Variants in GRIA1 observed in about 807,000 individuals in gnomAD.
GRIA1 encodes the protein glutamate ionotropic receptor AMPA type subunit 1.
GRIA1 carries 31 observed loss-of-function variants against 99.2 expected under a neutral mutation model. The ratio of observed to expected loss-of-function variants is 0.31; its 90% CI spans 0.23 to 0.42. The LOEUF is 0.42. Among genes scored for constraint, GRIA1 ranks in the 10% least tolerant of loss-of-function variants. The pLI is 1.00. For synonymous variants in GRIA1, 438 were observed against 432.4 expected, an observed-to-expected ratio of 1.01 and a Z score of -0.16; for missense variants, 782 against 1,157.5, an observed-to-expected ratio of 0.68 and a Z score of 4.71.
intron 14 of GRIA1, among the ~76,000 whole-genome samples, chr5:153,801,952 C>CT (rs769763925): frequency 2.5e-5 from 2 of 79,124 alleles, no homozygotes; most frequent in Non-Finnish European, 5.0e-5. Context: ...GAAATTGGGG[C>CT]GGGGGGGGGC....
Position 153,763,005 on chromosome 5 carries a change from G to T in GRIA1, c.1824-1429G>T, listed in dbSNP as rs182978858. ...TTGTTCCTGCAACTGCTCCTCATGC[G>T]ACATAGCTTTGCTCCGCTCTCCTGG... On this transcript the variant is annotated intron_variant, in intron 11 of 15. Transcript: ENST00000285900. 8.5e-5 allele frequency among the ~76,000 whole-genome samples: 13 copies of T among 152,208 alleles called. No homozygotes were observed. The East Asian group carries it at 1.4e-3, about 16-fold the overall frequency.
Position 153,801,334 on chromosome 5 carries a change from C to T in GRIA1, c.2386-1022C>T, listed in dbSNP as rs138255873. On this transcript the variant is annotated intron_variant, in intron 14 of 15. Coordinates refer to ENST00000285900, the MANE Select transcript of GRIA1 (RefSeq NM_000827.4). ...GAGCCCTGGCCACCTCCCACCATGA[C>T]CATCAGTTGTGTTTGATTGTTCTCA... is the stretch of plus-strand genomic sequence containing the variant. Among the ~76,000 whole-genome samples the T allele has an allele frequency of 7.8e-4, 113 of 144,154 alleles. 7 individuals are homozygous for T. The highest frequency in any genetic ancestry group is 2.9e-3 in the African/African-American group (107 of 36,324). 94.6% of individuals were successfully genotyped at this position (144,154 alleles called of 152,430 possible).
rs191670944 is a variant in GRIA1, at chr5:153,692,589, T to C, written c.1135-5455T>C. Among the ~76,000 whole-genome samples, 91 of 152,338 alleles carry C rather than the reference T, an allele frequency of 6.0e-4. 1 individual carries two copies. The East Asian group carries it at 0.015, about 25-fold the overall frequency. ...AGATAAGTAGTGGCAACACAGACTA[T>C]ATGATCCACAAAGCCAAAGATATCT... On this transcript the variant is annotated intron_variant, in intron 8 of 15. Transcript: ENST00000285900.
At chr5:153,625,062 G>A (rs971371448) in intron 2 of GRIA1, among the ~76,000 whole-genome samples, 14 of 152,162 alleles carry the variant, frequency 9.2e-5, no homozygotes, top group African/African-American at 2.7e-4. Flanking sequence ...TTCATGTGCC[G>A]CAGCCCTGGT....
intron 8 of GRIA1, among the ~76,000 whole-genome samples, chr5:153,690,621 A>G (rs1016618115): frequency 6.6e-6 from 1 of 152,192 alleles, no homozygotes; most frequent in African/African-American, 2.4e-5. Context: ...GGCCACAGGG[A>G]TTTTATATCA....
chr5:153,569,805 C>T lies in GRIA1; in HGVS notation c.220+75740C>T, dbSNP rs138812992. ...TTTTCTGTGTATATATTAGCTCTTA[C>T]GGACCTCATAAACCTAAAGAGGTGC... On this transcript the variant is annotated intron_variant, in intron 2 of 15. Transcript: ENST00000285900. Among the ~76,000 whole-genome samples the T allele has an allele frequency of 2.7e-4, 41 of 152,248 alleles. No individual in the cohort carries two copies. In the East Asian group the frequency reaches 2.9e-3, roughly 11 times the overall value.
chr5:153,600,183 A>C (rs1201888803), intron 2 of GRIA1, among the ~76,000 whole-genome samples: 2 of 152,030 alleles, frequency 1.3e-5, no homozygotes, highest in African/African-American at 4.8e-5. Flanking sequence ...CGAGGTCAGA[A>C]GATTGAGACC....
intron 2 of GRIA1, among the ~76,000 whole-genome samples, chr5:153,611,720 A>AAAAC (rs1337329176): frequency 2.0e-5 from 3 of 152,354 alleles, no homozygotes; most frequent in South Asian, 2.1e-4. Flanking sequence ...TCTCTTTCAA[A>AAAAC]AAACAAACAA....
At chr5:153,701,410 C>A (rs1231597799) in intron 10 of GRIA1, among the ~76,000 whole-genome samples, 1 of 151,816 alleles carries the variant, frequency 6.6e-6, no homozygotes, top group Non-Finnish European at 1.5e-5. Flanking sequence ...GTCAGGAGAT[C>A]TAGACCATCC....
chr5:153,700,611 T>C (rs2149515016), intron 10 of GRIA1, among the ~76,000 whole-genome samples: 1 of 151,986 alleles, frequency 6.6e-6, no homozygotes, highest in East Asian at 1.9e-4. Flanking sequence ...ACGAAGGTAT[T>C]TGAGTAGAAA....
chr5:153,780,662 C>G (rs755238429), intron 13 of GRIA1, among the ~76,000 whole-genome samples: 4 of 152,210 alleles, frequency 2.6e-5, no homozygotes, highest in Non-Finnish European at 5.9e-5. Context: ...TCGAGATCTT[C>G]CTATGAGATT....
intron 13 of GRIA1, among the ~76,000 whole-genome samples, chr5:153,774,068 C>T (rs1764057245): frequency 1.5e-5 from 1 of 68,408 alleles, no homozygotes. Flanking sequence ...CACCCCAACC[C>T]CCCCTCCCCC....
At chr5:153,711,145 C>CA in intron 11 of GRIA1, among the ~76,000 whole-genome samples, 1 of 152,228 alleles carries the variant, frequency 6.6e-6, no homozygotes, top group South Asian at 2.1e-4. Context: ...GCCCTGTGGT[C>CA]ACATTTTAAA....
intron 5 of GRIA1, among the ~76,000 whole-genome samples, chr5:153,669,940 G>C (rs71588098): frequency 0.062 from 9,497 of 152,088 alleles, 313 homozygotes; most frequent in Middle Eastern, 0.13. Flanking sequence ...TGATTACCTT[G>C]TATTTTTTAC....
At chr5:153,720,745 A>C (rs1581533455) in intron 11 of GRIA1, among the ~76,000 whole-genome samples, 1 of 152,210 alleles carries the variant, frequency 6.6e-6, no homozygotes, top group African/African-American at 2.4e-5. Context: ...TTTTCTTCTC[A>C]GGCCTCAGGT....
intron 11 of GRIA1, among the ~76,000 whole-genome samples, chr5:153,712,215 CTAATTGTTGTATTTTT>C (rs1437149946): frequency 6.6e-6 from 1 of 152,144 alleles, no homozygotes; most frequent in African/African-American, 2.4e-5. Context: ...CCATGCCCAG[CTAATTGTTGTATTTTT>C]AGTAGAGATG....
At position 153,493,934 on chromosome 5, in the gene GRIA1, T is replaced by A; in HGVS notation, c.89T>A (p.Leu30Ter). 1 of 1,614,040 alleles carries A rather than the reference T, an allele frequency of 6.2e-7. No homozygotes were observed. The highest frequency in any genetic ancestry group is 8.5e-7 in the Non-Finnish European group (1 of 1,179,922). ...NFPNNIQIGG[L>*]FPNQQSQEHA... The stretch of plus-strand genomic sequence containing the variant: ...GCATTTTCTTTTCTCATAGGGGGAT[T>A]ATTTCCAAACCAGCAGTCACAGGAA... The change falls in exon 2 of 16, where the codon TTA becomes TAA. Residue 30 changes from leucine (L) to a stop codon, truncating the protein, a stop_gained. Coordinates refer to ENST00000285900, the MANE Select transcript of GRIA1 (RefSeq NM_000827.4). LOFTEE classifies it high-confidence loss of function.
chr5:153,801,791 C>A (rs1311683552), intron 14 of GRIA1, among the ~76,000 whole-genome samples: 1 of 152,098 alleles, frequency 6.6e-6, no homozygotes, highest in East Asian at 1.9e-4. Flanking sequence ...ACATATATAT[C>A]AGTTGGTCTT....
At chr5:153,689,869 A>G (rs1352611855) in intron 8 of GRIA1, among the ~76,000 whole-genome samples, 1 of 152,166 alleles carries the variant, frequency 6.6e-6, no homozygotes, top group Non-Finnish European at 1.5e-5. Flanking sequence ...CTTTGGTATG[A>G]AATTCCCCAG....
Sources: gnomAD v4.1 joint callset for allele counts (sites outside exome capture counted in the v4.1 genomes callset) on GRCh38, gnomAD v4.1.1 for gene constraint, MANE v1.5 for transcripts, NCBI Gene and HGNC (gene_info 2026-07-23, HGNC 2026-07-21) for gene names.